The following SGCZ variants were observed in gnomAD, a reference collection of about 807,000 sequenced individuals.
The protein encoded by SGCZ is sarcoglycan zeta.
Under a neutral mutation model 41.3 loss-of-function variants are expected in SGCZ, and 40 were observed. That is an observed-to-expected ratio of 0.97 (90% CI 0.75 to 1.26). The LOEUF (loss-of-function observed/expected upper bound fraction) is 1.26. Ranked by LOEUF, SGCZ falls within the 50% of genes most tolerant of loss-of-function variation. The pLI, the probability that SGCZ is intolerant of heterozygous loss-of-function variation, is 0.00. For synonymous variants in SGCZ, 206 were observed against 137.5 expected (o/e 1.50, Z -3.49); for missense variants, 552 against 369.8 (o/e 1.49, Z -4.04).
At chr8:14,735,785 A>G (rs1799010800) in intron 1 of SGCZ, among the ~76,000 whole-genome samples, 1 of 152,172 alleles carries the variant, frequency 6.6e-6, no homozygotes, top group African/African-American at 2.4e-5. Context: ...ATATATTAGT[A>G]TAACATGTCA....
intron 1 of SGCZ, among the ~76,000 whole-genome samples, chr8:14,599,740 T>G (rs982403665): frequency 6.6e-6 from 1 of 152,220 alleles, no homozygotes; most frequent in Non-Finnish European, 1.5e-5. Context: ...ACTCTTTCTT[T>G]TTACTAAAGC....
At chr8:14,871,394 CA>C (rs1184254397) in intron 1 of SGCZ, among the ~76,000 whole-genome samples, 4 of 152,218 alleles carry the variant, frequency 2.6e-5, no homozygotes, top group Non-Finnish European at 5.9e-5. Context: ...CGTATATACC[CA>C]AAGGATCATA....
At chr8:14,853,923 C>T (rs1020144485) in intron 1 of SGCZ, among the ~76,000 whole-genome samples, 1 of 151,096 alleles carries the variant, frequency 6.6e-6, no homozygotes, top group Admixed American at 6.6e-5. Context: ...ACAAAATACA[C>T]ACCTTTCAAG....
intron 1 of SGCZ, among the ~76,000 whole-genome samples, chr8:14,599,731 C>G (rs9657243): frequency 0.17 from 25,973 of 152,188 alleles, 2,729 homozygotes; most frequent in Non-Finnish European, 0.23. Flanking sequence ...AACTCCTCTA[C>G]TCTTTCTTTT....
At chr8:14,508,856 T>C (rs1802384986) in intron 2 of SGCZ, among the ~76,000 whole-genome samples, 1 of 152,158 alleles carries the variant, frequency 6.6e-6, no homozygotes, top group Non-Finnish European at 1.5e-5. Context: ...ATTTGGATGA[T>C]TACATTTTTG....
At chr8:14,384,654 G>T (rs534593770) in intron 2 of SGCZ, among the ~76,000 whole-genome samples, 1 of 152,262 alleles carries the variant, frequency 6.6e-6, no homozygotes, top group South Asian at 2.1e-4. Flanking sequence ...CCACCTCCTA[G>T]GCTCAAGCAA....
intron 1 of SGCZ, among the ~76,000 whole-genome samples, chr8:14,591,936 C>A (rs527767374): frequency 6.6e-6 from 1 of 152,230 alleles, no homozygotes; most frequent in East Asian, 1.9e-4. Flanking sequence ...GGGAGGACAG[C>A]AGCTGAGGTA....
At chr8:14,326,474 G>A (rs898746605) in intron 2 of SGCZ, among the ~76,000 whole-genome samples, 1 of 152,114 alleles carries the variant, frequency 6.6e-6, no homozygotes, top group Non-Finnish European at 1.5e-5. Flanking sequence ...CCAGACTAAA[G>A]GATAATGACC....
At chr8:14,515,682 A>T (rs930336254) in intron 2 of SGCZ, among the ~76,000 whole-genome samples, 1 of 152,060 alleles carries the variant, frequency 6.6e-6, no homozygotes, top group Non-Finnish European at 1.5e-5. Flanking sequence ...GGTCTTTGAG[A>T]CCTGTGTCGT....
chr8:14,509,416 T>C (rs1404354582), intron 2 of SGCZ, among the ~76,000 whole-genome samples: 1 of 152,170 alleles, frequency 6.6e-6, no homozygotes, highest in Non-Finnish European at 1.5e-5. Context: ...TTTAAAACCT[T>C]AATATAATTG....
At chr8:15,031,933 CTCTCTG>C (rs1428039646) in intron 1 of SGCZ, among the ~76,000 whole-genome samples, 1 of 151,660 alleles carries the variant, frequency 6.6e-6, no homozygotes, top group Admixed American at 6.6e-5. Flanking sequence ...CTCTCTCTCT[CTCTCTG>C]TCTGTCTGTC....
chr8:14,158,662 G>T (rs566195914), intron 5 of SGCZ, among the ~76,000 whole-genome samples: 1 of 152,174 alleles, frequency 6.6e-6, no homozygotes, highest in South Asian at 2.1e-4. Context: ...TGAGAAGTCC[G>T]CATGAGCAGC....
intron 2 of SGCZ, among the ~76,000 whole-genome samples, chr8:14,460,102 A>T (rs551345544): frequency 6.6e-6 from 1 of 152,196 alleles, no homozygotes; most frequent in Non-Finnish European, 1.5e-5. Context: ...ATGTATTTTG[A>T]TTATGTAAAC....
chr8:14,929,925 T>C (rs1799878929), intron 1 of SGCZ, among the ~76,000 whole-genome samples: 1 of 151,772 alleles, frequency 6.6e-6, no homozygotes, highest in African/African-American at 2.4e-5. Flanking sequence ...TATTATTGAG[T>C]TTTTACATAA....
intron 1 of SGCZ, among the ~76,000 whole-genome samples, chr8:15,225,320 T>C (rs1041097908): frequency 1.3e-5 from 2 of 152,130 alleles, no homozygotes; most frequent in Non-Finnish European, 2.9e-5. Flanking sequence ...AAAAAAAAGA[T>C]ATATCTATCT....
At chr8:14,659,882 C>T (rs1406831628) in intron 1 of SGCZ, among the ~76,000 whole-genome samples, 1 of 152,162 alleles carries the variant, frequency 6.6e-6, no homozygotes, top group Non-Finnish European at 1.5e-5. Context: ...ACAGGTCACA[C>T]TTTAGCCCTA....
chr8:15,198,619 A>G (rs1800805153), intron 1 of SGCZ, among the ~76,000 whole-genome samples: 1 of 152,230 alleles, frequency 6.6e-6, no homozygotes, highest in Non-Finnish European at 1.5e-5. Context: ...TGTTAACTGT[A>G]TGCTCTAAAA....
intron 1 of SGCZ, among the ~76,000 whole-genome samples, chr8:14,928,259 G>C (rs918437348): frequency 6.6e-6 from 1 of 152,102 alleles, no homozygotes; most frequent in Non-Finnish European, 1.5e-5. Context: ...TGTTGGCATA[G>C]GACTTCTAGT....
chr8:14,799,405 C>T (rs1311191258), intron 1 of SGCZ, among the ~76,000 whole-genome samples: 6 of 152,040 alleles, frequency 3.9e-5, no homozygotes, highest in Non-Finnish European at 5.9e-5. Context: ...AGGAGAACCC[C>T]AATTTTCTTT....
Sources: allele counts gnomAD v4.1 joint callset (sites outside exome capture counted in the v4.1 genomes callset), GRCh38; gene constraint gnomAD v4.1.1; transcripts MANE v1.5; gene names NCBI Gene and HGNC (gene_info 2026-07-23, HGNC 2026-07-21).